Variants in MAST2 observed in about 807,000 individuals in gnomAD.
MAST2 encodes microtubule-associated serine/threonine-protein kinase 2.
Under a neutral mutation model 147.4 loss-of-function variants are expected in MAST2, and 70 were observed. The ratio of observed to expected loss-of-function variants is 0.47; its 90% confidence interval spans 0.39 to 0.58. The LOEUF is 0.58. Ranked by LOEUF, MAST2 falls within the 20% of genes least tolerant of loss-of-function variation. MAST2 has a pLI of 0.00. For missense variants in MAST2, 2,080 were observed against 2,302.3 expected, an observed-to-expected ratio of 0.90 and a Z score of 1.98; for synonymous variants, 869 against 896.8, an observed-to-expected ratio of 0.97 and a Z score of 0.55.
chr1:45,992,424 G>A (rs1043036917), intron 5 of MAST2, among the ~76,000 whole-genome samples: 7 of 152,084 alleles, frequency 4.6e-5, no homozygotes, highest in Admixed American at 1.3e-4. Context: ...TTTATACATT[G>A]TTGGATTTGA....
chr1:46,030,868 G>A, intron 22 of MAST2, 107 bp downstream of exon 22: 2 of 1,468,704 alleles, frequency 1.4e-6, no homozygotes, highest in Non-Finnish European at 1.8e-6. Context: ...GGCAGGGAGG[G>A]GGCATTCACA....
At chr1:45,962,671 A>G (rs1371286727) in intron 5 of MAST2, among the ~76,000 whole-genome samples, 7 of 151,846 alleles carry the variant, frequency 4.6e-5, no homozygotes, top group Non-Finnish European at 8.8e-5. Flanking sequence ...CTGGATATTA[A>G]CCCTTTGTCA....
At chr1:45,848,422 C>T (rs573995977) in intron 3 of MAST2, among the ~76,000 whole-genome samples, 53 of 152,280 alleles carry the variant, frequency 3.5e-4, no homozygotes, top group Non-Finnish European at 4.4e-5. Context: ...CCTGTGTGAG[C>T]AGCTCCATTA....
chr1:45,924,113 C>T (rs1198726976), intron 4 of MAST2, among the ~76,000 whole-genome samples: 1 of 152,174 alleles, frequency 6.6e-6, no homozygotes, highest in Non-Finnish European at 1.5e-5. Context: ...AAGTGACCTG[C>T]CCACTTCAGC....
Position 45,805,044 on chromosome 1 carries a change from C to T in MAST2, c.177+972C>T, listed in dbSNP as rs1159983352. Among the ~76,000 whole-genome samples, 5 of 131,594 alleles carry T rather than the reference C, an allele frequency of 3.8e-5. No homozygotes were observed. In the East Asian group the frequency reaches 1.2e-3, roughly 30 times the overall value. 86.3% of individuals were successfully genotyped at this position (131,594 alleles called of 152,430 possible). On this transcript the variant is annotated intron_variant, in intron 1 of 28. Coordinates refer to ENST00000361297, the MANE Select transcript of MAST2 (RefSeq NM_015112.3). ...TTTCTCTCAGATAAATTAGCATTTTCCTTAGACATTTTTTTTTTTTTTTGA... is the reference window on the plus strand; with the variant it reads ...TTTCTCTCAGATAAATTAGCATTTTTCTTAGACATTTTTTTTTTTTTTTGA...
At chr1:46,001,049 T>C (rs11589562) in intron 6 of MAST2, 524,591 of 1,189,780 alleles carry the variant, frequency 0.44, 117,219 homozygotes, top group East Asian at 0.64. Flanking sequence ...TGGTTTGTGA[T>C]GTTGTGGTTG....
intron 4 of MAST2, among the ~76,000 whole-genome samples, chr1:45,930,186 C>T (rs941179339): frequency 3.9e-5 from 6 of 151,978 alleles, no homozygotes; most frequent in Admixed American, 1.3e-4. Context: ...TTAAGCAATT[C>T]TCTGCCTCAG....
chr1:46,021,671 A>G (rs1646186000), intron 11 of MAST2, among the ~76,000 whole-genome samples: 2 of 152,244 alleles, frequency 1.3e-5, no homozygotes, highest in South Asian at 2.1e-4. Flanking sequence ...ATGGGACCAG[A>G]TCAATAGGCT....
intron 9 of MAST2, among the ~76,000 whole-genome samples, chr1:46,009,180 G>A (rs566921719): frequency 3.3e-5 from 5 of 152,070 alleles, no homozygotes; most frequent in East Asian, 3.9e-4. Flanking sequence ...TCAGCCTCCC[G>A]AGATGCTGGG....
At chr1:45,808,959 G>A (rs1570149803) in intron 1 of MAST2, among the ~76,000 whole-genome samples, 3 of 151,896 alleles carry the variant, frequency 2.0e-5, no homozygotes, top group Admixed American at 2.0e-4. Flanking sequence ...TGCTTTTCTC[G>A]ATCATGGCAT....
chr1:45,876,976 T>A (rs994530940), intron 3 of MAST2, among the ~76,000 whole-genome samples: 1 of 152,216 alleles, frequency 6.6e-6, no homozygotes, highest in African/African-American at 2.4e-5. Context: ...GAACAAATAT[T>A]TCCAGTTTTA....
intron 3 of MAST2, among the ~76,000 whole-genome samples, chr1:45,873,017 G>A (rs1388840525): frequency 6.6e-6 from 1 of 152,040 alleles, no homozygotes; most frequent in Non-Finnish European, 1.5e-5. Flanking sequence ...GGGTCCAAAT[G>A]GTAATAAAAT....
chr1:45,963,462 T>A (rs566678847), intron 5 of MAST2, among the ~76,000 whole-genome samples: 55 of 152,350 alleles, frequency 3.6e-4, no homozygotes, highest in African/African-American at 1.3e-3. Context: ...ATAGTTTTCC[T>A]TGAAGAGGTC....
intron 5 of MAST2, among the ~76,000 whole-genome samples, chr1:45,970,189 T>C (rs144845900): frequency 6.6e-6 from 1 of 152,328 alleles, no homozygotes; most frequent in African/African-American, 2.4e-5. Flanking sequence ...CAGTAATCAC[T>C]GTGAGGATCC....
In MAST2 at chr1:45,932,729, G is replaced by C. The variant is rs577885460; in HGVS notation, c.501-26657G>C. Among the ~76,000 whole-genome samples, 137 of 152,056 alleles carry C rather than the reference G, an allele frequency of 9.0e-4. 1 individual carries two copies. The highest frequency in any genetic ancestry group is 1.5e-3 in the Non-Finnish European group (105 of 68,012). On this transcript the variant is annotated intron_variant, in intron 4 of 28. Coordinates refer to ENST00000361297, the MANE Select transcript of MAST2 (RefSeq NM_015112.3). ...TTAGTGGATTTGTCTTATTTGATGGGTTATATAATCTGTTAATACCATTTT... is the reference window on the plus strand; with the variant it reads ...TTAGTGGATTTGTCTTATTTGATGGCTTATATAATCTGTTAATACCATTTT...
chr1:45,966,954 GCT>G (rs1661315337), intron 5 of MAST2, among the ~76,000 whole-genome samples: 1 of 148,544 alleles, frequency 6.7e-6, no homozygotes, highest in East Asian at 2.0e-4. Context: ...ACAGCCTTGA[GCT>G]CTTAGGCTCC....
intron 2 of MAST2, among the ~76,000 whole-genome samples, chr1:45,825,629 C>A (rs1570249419): frequency 6.6e-6 from 1 of 150,930 alleles, no homozygotes; most frequent in East Asian, 2.1e-4. Flanking sequence ...GACAGGGTTT[C>A]ACCATGTTGG....
intron 21 of MAST2, 43 bp downstream of exon 21, chr1:46,030,281 A>T: frequency 6.3e-7 from 1 of 1,586,076 alleles, no homozygotes; most frequent in Non-Finnish European, 8.6e-7. Flanking sequence ...AGGCTGGAGG[A>T]TCAGAAGAAG....
rs1284929699 is a variant in MAST2 at position 45,997,773 on chromosome 1, T to C, written c.642T>C (p.Ala214=). Residue 214 remains alanine, a synonymous_variant, in exon 6 of 29, where the codon GCT becomes GCC. Transcript: ENST00000361297. ...SPRNFSPNAP[A]HFSFVPARRT... ...GGAATTTCTCTCCAAATGCACCTGC[T>C]CACTTTTCTTTTGTTCCTGCCCGTA... 1.9e-6 allele frequency: 3 copies of C among 1,614,046 alleles called. No homozygotes were observed. The highest frequency in any genetic ancestry group is 2.7e-5 in the African/African-American group (2 of 74,930).
Sources: gnomAD v4.1 joint callset for allele counts (sites outside exome capture counted in the v4.1 genomes callset) on GRCh38, gnomAD v4.1.1 for gene constraint, MANE v1.5 for transcripts, NCBI Gene and HGNC (gene_info 2026-07-23, HGNC 2026-07-21) for gene names.